GKN2: variants seen among roughly 807,000 people sequenced by gnomAD.
GKN2 encodes the protein gastrokine 2.
Under a neutral mutation model 22.7 loss-of-function variants are expected in GKN2, and 17 were observed. That is an observed-to-expected ratio of 0.75 (90% CI 0.51 to 1.13). The LOEUF (loss-of-function observed/expected upper bound fraction) is 1.13, where lower values mean the gene tolerates loss of function less well. GKN2 is among the 50% of genes most tolerant of loss of function. The probability of loss-of-function intolerance (pLI) is 0.00; values close to 1 mark genes in which losing one functional copy is unlikely to be tolerated. For missense variants in GKN2, 248 were observed against 221.4 expected (o/e 1.12, Z -0.76); for synonymous variants, 82 against 79.6 (o/e 1.03, Z -0.16).
Position 68,950,739 on chromosome 2 carries a change from A to T in GKN2, c.29T>A (p.Val10Glu), listed in dbSNP as rs1247418058. The change falls in exon 2 of 6, where the codon GTG becomes GAG. Residue 10 changes from valine (V) to glutamate (E), a missense_variant. Transcript: ENST00000328895. ...AGATTGTATCCCAAAGATGGTCAGC[A>T]CCACCAGAAATGCCACCTGAAAAAC... is the stretch of plus-strand genomic sequence containing the variant. MKILVAFLV[V>E]LTIFGIQSHG... The T allele has an allele frequency of 6.2e-7, 1 of 1,614,176 alleles. No homozygotes were observed. The highest frequency in any genetic ancestry group is 1.3e-5 in the African/African-American group (1 of 75,036).
intron 3 of GKN2, among the ~76,000 whole-genome samples, chr2:68,949,582 G>C (rs1432138664): frequency 1.3e-5 from 2 of 151,892 alleles, no homozygotes; most frequent in Non-Finnish European, 2.9e-5. Flanking sequence ...ACCACACCCA[G>C]CTAATTTTTG....
At chr2:68,950,792 G>A (rs907428166) in intron 1 of GKN2, 37 bp from the exon 2 acceptor site, 6 of 1,606,192 alleles carry the variant, frequency 3.7e-6, no homozygotes, top group Non-Finnish European at 5.1e-6. Context: ...TCTTTATAGG[G>A]TAGTCATTGA....
At chr2:68,946,115 C>T (rs1028556475) in intron 5 of GKN2, 189 bp downstream of exon 5, 51 of 485,840 alleles carry the variant, frequency 1.0e-4, no homozygotes, top group Middle Eastern at 5.2e-4. Context: ...TCCCTGGAGA[C>T]GTTTAATTCA....
At chr2:68,950,421 A>C (rs1189813003) in intron 2 of GKN2, among the ~76,000 whole-genome samples, 158 bp from the exon 3 acceptor site, 1 of 152,252 alleles carries the variant, frequency 6.6e-6, no homozygotes, top group African/African-American at 2.4e-5. Context: ...ATGCCATAAG[A>C]AGGCAAAGCT....
chr2:68,951,478 T>G (rs1176566927), intron 1 of GKN2, among the ~76,000 whole-genome samples: 1 of 152,234 alleles, frequency 6.6e-6, no homozygotes, highest in Non-Finnish European at 1.5e-5. Flanking sequence ...CTTCTGAACA[T>G]CAGTGAACTG....
Position 68,945,329 on chromosome 2 carries a change from G to A in GKN2, c.*39C>T. The A allele has an allele frequency of 7.1e-7, 1 of 1,400,646 alleles. No individual in the cohort carries two copies. Among genetic ancestry groups the A allele is most frequent in the South Asian group, 1.3e-5 (1 of 74,100 alleles). 86.8% of individuals were successfully genotyped at this position (1,400,646 alleles called of 1,614,324 possible). ...TGACTTTTGAGTGTAAACCAAGGAT[G>A]TATTTCTTTGAAAAGATAAAACAAG... On this transcript the variant is annotated 3_prime_UTR_variant, in exon 6 of 6. Transcript: ENST00000328895.
In GKN2 at chr2:68,950,704, C is replaced by T. The variant is rs376458324; in HGVS notation, c.64G>A (p.Glu22Lys). Residue 22 changes from glutamate (E) to lysine (K), a missense_variant and splice_region_variant, in exon 2 of 6, where the codon GAG becomes AAG. Coordinates refer to ENST00000328895, the MANE Select transcript of GKN2 (RefSeq NM_182536.3). ...AAGTCCATAAGGAACCAACTCACCT[C>T]GTATCCATGAGATTGTATCCCAAAG... is the stretch of plus-strand genomic sequence containing the variant. ...TIFGIQSHGY[E>K]VFNIISPSNN... 8.7e-6 allele frequency: 14 copies of T among 1,613,806 alleles called. No individual in the cohort carries two copies. Among genetic ancestry groups the T allele is most frequent in the African/African-American group, 6.7e-5 (5 of 74,890 alleles).
intron 5 of GKN2, 43 bp downstream of exon 5, chr2:68,946,261 T>A: frequency 6.5e-7 from 1 of 1,549,500 alleles, no homozygotes; most frequent in Non-Finnish European, 8.7e-7. Flanking sequence ...ACATAGTAGC[T>A]TTCAGAAAAT....
intron 1 of GKN2, 134 bp downstream of exon 1, chr2:68,952,716 T>C: frequency 1.4e-6 from 1 of 735,180 alleles, no homozygotes; most frequent in Non-Finnish European, 2.1e-6. Flanking sequence ...AAAGATGTCA[T>C]TAATTCAATC....
intron 5 of GKN2, 112 bp downstream of exon 5, chr2:68,946,192 G>T (rs78488637): frequency 0.057 from 50,042 of 884,886 alleles, 1,722 homozygotes; most frequent in Middle Eastern, 0.16. Flanking sequence ...AAAGCAAACT[G>T]AACTGAGTAC....
intron 1 of GKN2, among the ~76,000 whole-genome samples, chr2:68,951,734 A>C (rs566604158): frequency 6.6e-6 from 1 of 152,354 alleles, no homozygotes; most frequent in African/African-American, 2.4e-5. Context: ...GACCAGCTCC[A>C]GCAACATATG....
intron 1 of GKN2, among the ~76,000 whole-genome samples, chr2:68,951,578 T>G (rs1208299012): frequency 1.3e-5 from 2 of 152,198 alleles, no homozygotes; most frequent in Non-Finnish European, 2.9e-5. Context: ...AGGGGGATAT[T>G]TTTAAGAACT....
At chr2:68,950,295 C>T in intron 2 of GKN2, 32 bp from the exon 3 acceptor site, 1 of 1,588,104 alleles carries the variant, frequency 6.3e-7, no homozygotes, top group East Asian at 2.2e-5. Context: ...AATGTTTTTC[C>T]ATAAATCTTA....
In GKN2 at chr2:68,950,807, G is replaced by T. The variant is rs376663572; in HGVS notation, c.13-52C>A. 4.5e-6 allele frequency: 7 copies of T among 1,570,004 alleles called. No homozygotes were observed. The African/African-American group carries it at 6.8e-5, about 15-fold the overall frequency. ...TCTTTATAGGGTAGTCATTGAGTGT[G>T]GGACAGGAGGAAACACTGGACAGGA... is the stretch of plus-strand genomic sequence containing the variant. On this transcript the variant is annotated intron_variant, in intron 1 of 5. Coordinates refer to ENST00000328895, the MANE Select transcript of GKN2 (RefSeq NM_182536.3).
At chr2:68,951,990 T>A (rs759763567) in intron 1 of GKN2, among the ~76,000 whole-genome samples, 5 of 152,230 alleles carry the variant, frequency 3.3e-5, no homozygotes, top group Non-Finnish European at 7.3e-5. Context: ...CTGATAGTCT[T>A]TAACACTTTA....
chr2:68,947,305 C>G (rs1221918069), intron 3 of GKN2, 48 bp from the exon 4 acceptor site: 1 of 1,226,160 alleles, frequency 8.2e-7, no homozygotes, highest in Admixed American at 1.7e-5. Context: ...TTCCCTGAAT[C>G]TGAACTTGGT....
chr2:68,951,483 G>A (rs1477632038), intron 1 of GKN2, among the ~76,000 whole-genome samples: 1 of 152,214 alleles, frequency 6.6e-6, no homozygotes, highest in Admixed American at 6.5e-5. Context: ...GAACATCAGT[G>A]AACTGTACTA....
chr2:68,945,242 C>G lies in GKN2; in HGVS notation c.*126G>C, dbSNP rs1323916242. ...ACAAACACCAAAAAATCTATAAATA[C>G]AGCATTTATATTTTCTGACTGAATC... On this transcript the variant is annotated 3_prime_UTR_variant, in exon 6 of 6. Coordinates refer to ENST00000328895, the MANE Select transcript of GKN2 (RefSeq NM_182536.3). 7.3e-6 allele frequency: 5 copies of G among 682,476 alleles called. No individual in the cohort carries two copies. Among genetic ancestry groups the G allele is most frequent in the South Asian group, 5.5e-5 (2 of 36,632 alleles). The allele number at this position is 682,476 out of a possible 1,614,324, so 42.3% of individuals were successfully genotyped here.
In GKN2 at chr2:68,945,263, G is replaced by A; in HGVS notation, c.*105C>T. On this transcript the variant is annotated 3_prime_UTR_variant, in exon 6 of 6. Transcript: ENST00000328895. ...AATACAGCATTTATATTTTCTGACT[G>A]AATCTCAAAATTAGTTGGGGCATTG... 2.5e-6 allele frequency: 2 copies of A among 803,048 alleles called. No individual in the cohort carries two copies. The highest frequency in any genetic ancestry group is 2.3e-5 in the Admixed American group (1 of 42,852). The allele number at this position is 803,048 out of a possible 1,614,324, so 49.7% of individuals were successfully genotyped here. A position where few individuals can be genotyped will look rare whatever the true frequency, so the allele number is the denominator to read the frequency against.
Sources: gnomAD v4.1 joint callset for allele counts (sites outside exome capture counted in the v4.1 genomes callset) on GRCh38, gnomAD v4.1.1 for gene constraint, MANE v1.5 for transcripts, NCBI Gene and HGNC (gene_info 2026-07-23, HGNC 2026-07-21) for gene names.